Variants in IRAK2 observed in about 807,000 individuals in gnomAD.
IRAK2 encodes the protein interleukin-1 receptor-associated kinase-like 2.
IRAK2 carries 57 observed loss-of-function variants against 72.0 expected under a neutral mutation model. That is an observed-to-expected ratio of 0.79 (90% CI 0.64 to 0.99). The LOEUF (loss-of-function observed/expected upper bound fraction) is 0.99. Ranked by LOEUF, IRAK2 falls within the 50% of genes least tolerant of loss-of-function variation. The pLI is 0.00. For missense variants in IRAK2, 790 were observed against 794.4 expected (o/e 0.99, Z 0.07); for synonymous variants, 293 against 312.7 (o/e 0.94, Z 0.67).
chr3:10,204,705 C>T (rs1161008835), intron 3 of IRAK2, among the ~76,000 whole-genome samples: 3 of 152,048 alleles, frequency 2.0e-5, no homozygotes, highest in Non-Finnish European at 4.4e-5. Flanking sequence ...GCCGAGATCA[C>T]GCCACTGCAC....
rs377092201 is a variant in IRAK2, at chr3:10,200,483, A to G, written c.392A>G (p.Gln131Arg). The G allele has an allele frequency of 6.9e-6, 11 of 1,593,500 alleles. No homozygotes were observed. The highest frequency in any genetic ancestry group is 9.4e-6 in the Non-Finnish European group (11 of 1,167,418). ...GCTGAGGATGAACAGGAAGAGGGGC[A>G]GCCTGTGAGGATGGCCACCTTTCCA... Reference protein sequence around the residue: ...RKAEDEQEEGQPVRMATFPGP... With the variant: ...RKAEDEQEEGRPVRMATFPGP... The change falls in exon 3 of 13, where the codon CAG (glutamine) becomes CGG (arginine). Residue 131 changes from glutamine (Q) to arginine (R), a missense_variant. Coordinates refer to ENST00000256458, the MANE Select transcript of IRAK2 (RefSeq NM_001570.4).
At chr3:10,198,635 GGT>G (rs1195469510) in intron 2 of IRAK2, among the ~76,000 whole-genome samples, 2 of 152,156 alleles carry the variant, frequency 1.3e-5, no homozygotes, top group Non-Finnish European at 2.9e-5. Context: ...AAATATGCAC[GGT>G]GCCATACCAG....
In IRAK2 at chr3:10,236,341, GGTTTTTTTTT is replaced by G. The variant is rs909675462; in HGVS notation, c.1473+1683_1473+1692del. Among the ~76,000 whole-genome samples the G allele has an allele frequency of 1.3e-4, 16 of 125,268 alleles. No individual in the cohort carries two copies. The South Asian group carries it at 3.0e-3, about 23-fold the overall frequency. The allele number at this position is 125,268 out of a possible 152,430, so 82.2% of individuals were successfully genotyped here. A position where few individuals can be genotyped will look rare whatever the true frequency, so the allele number is the denominator to read the frequency against. Reference sequence around the variant, plus strand: ...GTAAGGATTTTTGCAGAGCCACTAAGGTTTTTTTTTTTTTTTTTTTTTTTTTAACAGAATC... The same window carrying G: ...GTAAGGATTTTTGCAGAGCCACTAAGTTTTTTTTTTTTTTTTAACAGAATC... On this transcript the variant is annotated intron_variant, in intron 11 of 12. Coordinates refer to ENST00000256458, the MANE Select transcript of IRAK2 (RefSeq NM_001570.4).
chr3:10,223,371 T>C (rs556876274), intron 9 of IRAK2, among the ~76,000 whole-genome samples: 1 of 152,208 alleles, frequency 6.6e-6, no homozygotes, highest in East Asian at 1.9e-4. Context: ...TGTCTGCCAT[T>C]ATGTCGTGCC....
intron 2 of IRAK2, 37 bp from the exon 3 acceptor site, chr3:10,200,332 T>A: frequency 6.5e-7 from 1 of 1,537,756 alleles, no homozygotes; most frequent in Admixed American, 2.0e-5. Flanking sequence ...CCCCACTTCA[T>A]GGAATAGTAA....
Position 10,239,973 on chromosome 3 carries a change from C to T in IRAK2, c.1765+934C>T, listed in dbSNP as rs186317144. 4.4e-3 allele frequency among the ~76,000 whole-genome samples: 669 copies of T among 150,712 alleles called. 2 individuals carry two copies. The highest frequency in any genetic ancestry group is 0.015 in the African/African-American group (634 of 41,006). ...ACCAGCTTGGCCAAGATGGTGAAAC[C>T]CTGTCTCTACTAAAAATACAAAAAT... On this transcript the variant is annotated intron_variant, in intron 12 of 12. Coordinates refer to ENST00000256458, the MANE Select transcript of IRAK2 (RefSeq NM_001570.4).
intron 1 of IRAK2, among the ~76,000 whole-genome samples, chr3:10,167,464 G>C (rs967373331): frequency 3.3e-5 from 5 of 151,862 alleles, no homozygotes; most frequent in Admixed American, 6.6e-5. Context: ...ACCCAGGCTG[G>C]AGTGCAGTGG....
intron 9 of IRAK2, among the ~76,000 whole-genome samples, chr3:10,226,106 A>AAC (rs200476664): frequency 1.3e-5 from 2 of 152,098 alleles, no homozygotes; most frequent in Non-Finnish European, 2.9e-5. Flanking sequence ...AATACATATA[A>AAC]ACACACACAC....
In IRAK2 at chr3:10,239,135, A is replaced by G. The variant is rs1037774514; in HGVS notation, c.1765+96A>G. The G allele has an allele frequency of 3.4e-6, 4 of 1,164,228 alleles. No homozygotes were observed. In the African/African-American group the frequency reaches 4.6e-5, roughly 13 times the overall value. 72.1% of individuals were successfully genotyped at this position (1,164,228 alleles called of 1,614,324 possible). A position where few individuals can be genotyped will look rare whatever the true frequency, so the allele number is the denominator to read the frequency against. ...TTCTGTTGCCTTCATTCACTCCTTC[A>G]TTTGGTTATTCAGCCATTCACCAAC... On this transcript the variant is annotated intron_variant, in intron 12 of 12. Transcript: ENST00000256458.
intron 10 of IRAK2, 36 bp from the exon 11 acceptor site, chr3:10,234,423 G>C: frequency 6.3e-7 from 1 of 1,586,190 alleles, no homozygotes; most frequent in Middle Eastern, 1.7e-4. Flanking sequence ...CAGCTCTGCA[G>C]CTCACGCAAG....
chr3:10,180,822 A>G (rs1362158145), intron 2 of IRAK2, among the ~76,000 whole-genome samples: 2 of 152,106 alleles, frequency 1.3e-5, no homozygotes, highest in African/African-American at 2.4e-5. Flanking sequence ...GCTACAGCCC[A>G]GGCTGGGCTT....
intron 10 of IRAK2, among the ~76,000 whole-genome samples, chr3:10,234,106 C>T (rs868105104): frequency 6.6e-6 from 1 of 152,210 alleles, no homozygotes; most frequent in African/African-American, 2.4e-5. Flanking sequence ...AAGTGATCCA[C>T]TCGCTTCTGC....
chr3:10,188,671 C>T (rs1372103944), intron 2 of IRAK2, among the ~76,000 whole-genome samples: 1 of 152,238 alleles, frequency 6.6e-6, no homozygotes, highest in Non-Finnish European at 1.5e-5. Flanking sequence ...GGATTACAGG[C>T]ATGCGCCACC....
At chr3:10,224,124 G>A (rs1322832202) in intron 9 of IRAK2, among the ~76,000 whole-genome samples, 1 of 152,124 alleles carries the variant, frequency 6.6e-6, no homozygotes, top group African/African-American at 2.4e-5. Flanking sequence ...ATCACCTGAG[G>A]TCAGGAGTTC....
At chr3:10,169,850 C>A (rs1696767892) in intron 1 of IRAK2, among the ~76,000 whole-genome samples, 1 of 152,116 alleles carries the variant, frequency 6.6e-6, no homozygotes, top group Non-Finnish European at 1.5e-5. Flanking sequence ...GTATAAATGT[C>A]CATAAAATCT....
chr3:10,213,690 C>A, intron 6 of IRAK2, 142 bp downstream of exon 6: 1 of 664,000 alleles, frequency 1.5e-6, no homozygotes, highest in Non-Finnish European at 2.6e-6. Flanking sequence ...CTACTATTAT[C>A]ACATTATTTT....
intron 1 of IRAK2, among the ~76,000 whole-genome samples, chr3:10,176,665 G>A (rs181531019): frequency 5.2e-4 from 78 of 149,720 alleles, no homozygotes; most frequent in African/African-American, 1.7e-3. Context: ...TTTTAGTAGA[G>A]ACGAGGTTTC....
At position 10,164,936 on chromosome 3, in the gene IRAK2, G is replaced by T; in HGVS notation, c.-19G>T. ...TCCGACCCAGTCGTCCCGCGCCGGA[G>T]CCGGCCCCGTAGCGTGCCATGGCCT... On this transcript the variant is annotated 5_prime_UTR_variant, in exon 1 of 13. Transcript: ENST00000256458. 6.3e-7 allele frequency: 1 copy of T among 1,589,236 alleles called. No individual in the cohort carries two copies.
chr3:10,187,868 A>G lies in IRAK2; in HGVS notation c.277+9848A>G, dbSNP rs556701200. On this transcript the variant is annotated intron_variant, in intron 2 of 12. Coordinates refer to ENST00000256458, the MANE Select transcript of IRAK2 (RefSeq NM_001570.4). ...CATGATGGAGAACCTAGGGGGTCAG[A>G]GGCAGTACTTGTATGTTCAGACCAG... 2.0e-5 allele frequency among the ~76,000 whole-genome samples: 3 copies of G among 152,258 alleles called. No homozygotes were observed. The East Asian group carries it at 5.8e-4, about 29-fold the overall frequency.
Sources: gnomAD v4.1 joint callset for allele counts (sites outside exome capture counted in the v4.1 genomes callset) on GRCh38, gnomAD v4.1.1 for gene constraint, MANE v1.5 for transcripts, NCBI Gene and HGNC (gene_info 2026-07-23, HGNC 2026-07-21) for gene names.